The following PPM1D variants were observed in gnomAD, a reference collection of about 807,000 sequenced individuals.
PPM1D encodes the protein protein phosphatase, Mg2+/Mn2+ dependent 1D.
Under a neutral mutation model 58.3 loss-of-function variants are expected in PPM1D, and 52 were observed. The ratio of observed to expected loss-of-function variants is 0.89; its 90% CI spans 0.71 to 1.12. The LOEUF (loss-of-function observed/expected upper bound fraction) is 1.12. Among genes scored for constraint, PPM1D ranks in the 50% most tolerant of loss-of-function variants. PPM1D has a pLI of 0.00. For synonymous variants in PPM1D, 278 were observed against 285.1 expected (o/e 0.98, Z 0.25); for missense variants, 564 against 777.2 (o/e 0.73, Z 3.26).
At chr17:60,613,815 C>T (rs918339277) in intron 1 of PPM1D, among the ~76,000 whole-genome samples, 17 of 152,172 alleles carry the variant, frequency 1.1e-4, no homozygotes, top group Non-Finnish European at 2.1e-4. Context: ...ACCGGCGCTG[C>T]GCTGGATTTC....
At chr17:60,633,793 G>A (rs2030973272) in intron 2 of PPM1D, 60 bp from the exon 3 acceptor site, 1 of 1,414,792 alleles carries the variant, frequency 7.1e-7, no homozygotes, top group Non-Finnish European at 9.7e-7. Flanking sequence ...AATATACTGA[G>A]CTATCTTAGT....
chr17:60,632,134 C>T (rs1348851725), intron 2 of PPM1D, among the ~76,000 whole-genome samples: 3 of 151,878 alleles, frequency 2.0e-5, no homozygotes, highest in Non-Finnish European at 4.4e-5. Flanking sequence ...GCGGAGCTTG[C>T]AGTGAGCTGA....
chr17:60,608,988 G>C (rs1038160158), intron 1 of PPM1D, among the ~76,000 whole-genome samples: 1 of 150,544 alleles, frequency 6.6e-6, no homozygotes, highest in Non-Finnish European at 1.5e-5. Context: ...ACCTCGTGAT[G>C]TGCCCTCCTC....
intron 3 of PPM1D, among the ~76,000 whole-genome samples, chr17:60,634,606 CCT>C (rs2030989017): frequency 6.6e-6 from 1 of 152,044 alleles, no homozygotes; most frequent in South Asian, 2.1e-4. Flanking sequence ...GCCTTCAAAA[CCT>C]CTTTTTTCTT....
intron 4 of PPM1D, among the ~76,000 whole-genome samples, 192 bp from the exon 5 acceptor site, chr17:60,656,407 T>C (rs1316379383): frequency 6.7e-6 from 1 of 150,044 alleles, no homozygotes; most frequent in African/African-American, 2.5e-5. Context: ...GACCCGAGAT[T>C]GCATCTCTGC....
intron 3 of PPM1D, among the ~76,000 whole-genome samples, chr17:60,639,455 T>G (rs2031091649): frequency 1.3e-5 from 2 of 149,264 alleles, no homozygotes; most frequent in Non-Finnish European, 3.0e-5. Context: ...TTTTTTTTTT[T>G]GAGATGGAGT....
At chr17:60,627,058 T>C (rs940985694) in intron 2 of PPM1D, among the ~76,000 whole-genome samples, 2 of 152,234 alleles carry the variant, frequency 1.3e-5, no homozygotes, top group Non-Finnish European at 2.9e-5. Flanking sequence ...ATTTTAGATA[T>C]TGTTTCCACA....
intron 4 of PPM1D, among the ~76,000 whole-genome samples, chr17:60,654,847 G>A (rs1307839548): frequency 2.1e-5 from 3 of 141,058 alleles, no homozygotes; most frequent in African/African-American, 8.0e-5. Flanking sequence ...CAGCCTGGGC[G>A]ACAAGAGCAA....
intron 1 of PPM1D, among the ~76,000 whole-genome samples, chr17:60,620,986 G>A (rs1598402834): frequency 6.6e-6 from 1 of 151,174 alleles, no homozygotes; most frequent in South Asian, 2.1e-4. Flanking sequence ...GCAGCGGCAC[G>A]ATCTTGGCTC....
chr17:60,607,704 G>A (rs2030360691), intron 1 of PPM1D, among the ~76,000 whole-genome samples: 2 of 152,238 alleles, frequency 1.3e-5, no homozygotes. Flanking sequence ...GGTGAATGAA[G>A]TGCAGCTTTT....
At chr17:60,608,375 T>C (rs1214790477) in intron 1 of PPM1D, among the ~76,000 whole-genome samples, 1 of 152,072 alleles carries the variant, frequency 6.6e-6, no homozygotes, top group Non-Finnish European at 1.5e-5. Flanking sequence ...AATAAAACAT[T>C]ACCAGGCCGG....
At chr17:60,636,362 T>C (rs898809176) in intron 3 of PPM1D, among the ~76,000 whole-genome samples, 3 of 152,246 alleles carry the variant, frequency 2.0e-5, no homozygotes, top group African/African-American at 7.2e-5. Context: ...TGCTAGGTAC[T>C]GTTCCAGGTG....
rs113794122 is a variant in PPM1D at position 60,631,271 on chromosome 17, G to A, written c.702-2582G>A. Among the ~76,000 whole-genome samples the A allele has an allele frequency of 3.8e-3, 582 of 152,020 alleles. 2 individuals are homozygous for A. The highest frequency in any genetic ancestry group is 0.013 in the African/African-American group (550 of 41,456). ...GGAAGTCAAAGCTGTGGTGAGCCAC[G>A]ATCACACCACTGCACTGCAGCCTGG... is the stretch of plus-strand genomic sequence containing the variant. On this transcript the variant is annotated intron_variant, in intron 2 of 5. Transcript: ENST00000305921.
chr17:60,660,721 A>G (rs1025845381), intron 5 of PPM1D, among the ~76,000 whole-genome samples: 13 of 152,114 alleles, frequency 8.5e-5, no homozygotes, highest in Non-Finnish European at 1.8e-4. Flanking sequence ...AGATCGCGCC[A>G]CTGCACTCCA....
chr17:60,601,390 C>T (rs982268871), intron 1 of PPM1D, among the ~76,000 whole-genome samples: 3 of 152,142 alleles, frequency 2.0e-5, no homozygotes, highest in Admixed American at 6.5e-5. Flanking sequence ...TGGAGTAAAG[C>T]GTAAGCTAAT....
chr17:60,648,133 A>C (rs144142345), intron 4 of PPM1D, 51 bp downstream of exon 4: 1 of 1,545,226 alleles, frequency 6.5e-7, no homozygotes, highest in East Asian at 2.3e-5. Flanking sequence ...TTGTTTTGGT[A>C]CTTCTGTCAG....
At chr17:60,638,169 A>G (rs2031061775) in intron 3 of PPM1D, among the ~76,000 whole-genome samples, 2 of 151,452 alleles carry the variant, frequency 1.3e-5, no homozygotes, top group Middle Eastern at 3.4e-3. Context: ...TTGTAAACAC[A>G]TACAGAAATG....
At chr17:60,656,371 T>C (rs1350799426) in intron 4 of PPM1D, among the ~76,000 whole-genome samples, 1 of 149,876 alleles carries the variant, frequency 6.7e-6, no homozygotes, top group Non-Finnish European at 1.5e-5. Context: ...AAGAATGGCA[T>C]GAACCCGGGA....
chr17:60,645,572 GTA>G (rs199951856), intron 3 of PPM1D, among the ~76,000 whole-genome samples: 1,391 of 119,046 alleles, frequency 0.012, 23 homozygotes, highest in Middle Eastern at 0.046. Flanking sequence ...GTATATATAT[GTA>G]TATATATATG....
Sources: gnomAD v4.1 joint callset for allele counts (sites outside exome capture counted in the v4.1 genomes callset) on GRCh38, gnomAD v4.1.1 for gene constraint, MANE v1.5 for transcripts, NCBI Gene and HGNC (gene_info 2026-07-23, HGNC 2026-07-21) for gene names.